Variants in RNF123 observed in about 807,000 individuals in gnomAD.
The protein encoded by RNF123 is ring finger protein 123, also known as E3 ubiquitin-protein ligase RNF123.
Under a neutral mutation model 168.5 loss-of-function variants are expected in RNF123, and 86 were observed. The ratio of observed to expected loss-of-function variants is 0.51; its 90% CI spans 0.43 to 0.61. The LOEUF (loss-of-function observed/expected upper bound fraction) is 0.61. RNF123 is among the 20% of genes least tolerant of loss of function. RNF123 has a pLI of 0.00. For missense variants in RNF123, 1,419 were observed against 1,729.7 expected (o/e 0.82, Z 3.19); for synonymous variants, 666 against 689.1 (o/e 0.97, Z 0.52).
chr3:49,700,964 T>C (rs1248196557), intron 15 of RNF123, among the ~76,000 whole-genome samples: 1 of 152,264 alleles, frequency 6.6e-6, no homozygotes, highest in Non-Finnish European at 1.5e-5. Flanking sequence ...CCACAGGGCC[T>C]GCCCTCTTCG....
chr3:49,705,285 T>C, intron 23 of RNF123, 103 bp downstream of exon 23: 3 of 1,389,168 alleles, frequency 2.2e-6, no homozygotes, highest in Non-Finnish European at 2.9e-6. Context: ...CTCCCAGCCC[T>C]GTGGCCTGGC....
At position 49,697,154 on chromosome 3, in the gene RNF123, A is replaced by G; in HGVS notation, c.179A>G (p.Asn60Ser). 6.2e-7 allele frequency: 1 copy of G among 1,614,092 alleles called. No homozygotes were observed. Among genetic ancestry groups the G allele is most frequent in the Middle Eastern group, 1.7e-4 (1 of 6,060 alleles). ...PPAATSRKPL[N>S]FQNLPEHLDQ... Reference sequence around the variant, plus strand: ...CTCACTCTCCCCAGGAAACCCCTGAACTTCCAGAACCTGCCAGAACATTTG... The same window carrying G: ...CTCACTCTCCCCAGGAAACCCCTGAGCTTCCAGAACCTGCCAGAACATTTG... Residue 60 changes from asparagine (N) to serine (S), a missense_variant, in exon 4 of 39, where the codon AAC becomes AGC. Asn to Ser is a conservative substitution (Grantham distance 46). Coordinates refer to ENST00000327697, the MANE Select transcript of RNF123 (RefSeq NM_022064.5).
At chr3:49,713,851 C>G in intron 29 of RNF123, 26 bp downstream of exon 29, 2 of 1,613,202 alleles carry the variant, frequency 1.2e-6, no homozygotes, top group Non-Finnish European at 1.7e-6. Flanking sequence ...GGGGCACACA[C>G]CCTGGCCACA....
At chr3:49,703,112 C>G (rs2108186615) in intron 20 of RNF123, among the ~76,000 whole-genome samples, 1 of 152,336 alleles carries the variant, frequency 6.6e-6, no homozygotes, top group South Asian at 2.1e-4. Flanking sequence ...GGAGCCTTAC[C>G]TGCCCTGGAT....
In RNF123 at chr3:49,700,095, A is replaced by T. The variant is rs2054348898; in HGVS notation, c.985-132A>T. On this transcript the variant is annotated intron_variant, in intron 12 of 38. Transcript: ENST00000327697. ...CCTCAGTCAGACCCCGGAAGGGGTCATCTATGTTTGGTGTTGCTCGAGTGG... is the reference window on the plus strand; with the variant it reads ...CCTCAGTCAGACCCCGGAAGGGGTCTTCTATGTTTGGTGTTGCTCGAGTGG... The T allele has an allele frequency of 6.1e-6, 8 of 1,318,320 alleles. No homozygotes were observed. In the East Asian group the frequency reaches 2.0e-4, roughly 33 times the overall value. The allele number at this position is 1,318,320 out of a possible 1,614,324, so 81.7% of individuals were successfully genotyped here. A position where few individuals can be genotyped will look rare whatever the true frequency, so the allele number is the denominator to read the frequency against.
At position 49,714,098 on chromosome 3, in the gene RNF123, C is replaced by T. The variant is rs1291178313; in HGVS notation, c.2934C>T (p.Gly978=). ...GACCCCCACCTCCACAGGGCTGTGG[C>T]TTCGGGTACCGCTATACACGGCTGC... is the stretch of plus-strand genomic sequence containing the variant. ...WILVRLWRGC[G]FGYRYTRLPH... is the part of the protein sequence containing the mutation. Residue 978 remains glycine (G), a synonymous_variant, in exon 31 of 39, where the codon GGC becomes GGT. Transcript: ENST00000327697. The T allele has an allele frequency of 1.9e-6, 3 of 1,614,086 alleles. No individual in the cohort carries two copies. Among genetic ancestry groups the T allele is most frequent in the Non-Finnish European group, 1.7e-6 (2 of 1,180,026 alleles).
chr3:49,718,296 G>A (rs2080294023), intron 35 of RNF123: 2 of 1,613,162 alleles, frequency 1.2e-6, no homozygotes, highest in African/African-American at 2.7e-5. Context: ...CCACGGCACA[G>A]CCCAGCAGTG....
intron 3 of RNF123, among the ~76,000 whole-genome samples, chr3:49,693,986 G>A (rs1052786263): frequency 9.9e-5 from 15 of 151,884 alleles, no homozygotes; most frequent in Admixed American, 5.9e-4. Flanking sequence ...TGCGTTCTTT[G>A]TATATTCTGG....
chr3:49,710,420 T>C (rs1165401972), intron 26 of RNF123, among the ~76,000 whole-genome samples: 1 of 151,942 alleles, frequency 6.6e-6, no homozygotes, highest in Admixed American at 6.6e-5. Context: ...GCTGGGACTA[T>C]AGGCATACGC....
intron 26 of RNF123, among the ~76,000 whole-genome samples, chr3:49,708,788 A>T (rs992020566): frequency 1.4e-4 from 21 of 152,290 alleles, no homozygotes; most frequent in African/African-American, 5.1e-4. Context: ...TCATATATCC[A>T]GTCCTTTGCT....
At chr3:49,694,116 A>G (rs1306512135) in intron 3 of RNF123, among the ~76,000 whole-genome samples, 1 of 152,170 alleles carries the variant, frequency 6.6e-6, no homozygotes, top group African/African-American at 2.4e-5. Flanking sequence ...ATGTCTGTTT[A>G]TCTTATAATG....
intron 1 of RNF123, among the ~76,000 whole-genome samples, chr3:49,690,373 C>A (rs2054120435): frequency 6.6e-6 from 1 of 152,196 alleles, no homozygotes; most frequent in Non-Finnish European, 1.5e-5. Context: ...ATTTAAGTAA[C>A]CTCATGTGGA....
At position 49,700,317 on chromosome 3, in the gene RNF123, C is replaced by T; in HGVS notation, c.1075C>T (p.His359Tyr). 6.2e-7 allele frequency: 1 copy of T among 1,614,254 alleles called. No homozygotes were observed. The highest frequency in any genetic ancestry group is 1.1e-5 in the South Asian group (1 of 91,088). ...ACCCACACAGGCACAGTCCGTGGTGCACCAGGTCCTGGACCTCTTGTGGCT... is the reference window on the plus strand; with the variant it reads ...ACCCACACAGGCACAGTCCGTGGTGTACCAGGTCCTGGACCTCTTGTGGCT... ...GTPTQAQSVV[H>Y]QVLDLLWLFM... Residue 359 changes from histidine (H) to tyrosine (Y), a missense_variant, in exon 13 of 39, where the codon CAC becomes TAC. His to Tyr is a moderately conservative substitution (Grantham distance 83). Coordinates refer to ENST00000327697, the MANE Select transcript of RNF123 (RefSeq NM_022064.5).
At chr3:49,697,971 TGAG>T in intron 6 of RNF123, 32 bp downstream of exon 6, 1 of 1,614,010 alleles carries the variant, frequency 6.2e-7, no homozygotes, top group Non-Finnish European at 8.5e-7. Context: ...GCCTAGGTAG[TGAG>T]GAGAAAGTTT....
chr3:49,716,380 C>G lies in RNF123; in HGVS notation c.3416-13C>G. On this transcript the variant is annotated splice_polypyrimidine_tract_variant and intron_variant, in intron 34 of 38. Transcript: ENST00000327697. ...ATGTGGGTGGCTCATCTCTTTCCTC[C>G]CCTTCCCCTCAGGCCTAGAGAGCGT... 1.2e-6 allele frequency: 2 copies of G among 1,612,418 alleles called. No homozygotes were observed. Among genetic ancestry groups the G allele is most frequent in the Non-Finnish European group, 1.7e-6 (2 of 1,178,888 alleles).
At chr3:49,709,196 A>G (rs559862271) in intron 26 of RNF123, among the ~76,000 whole-genome samples, 1 of 151,364 alleles carries the variant, frequency 6.6e-6, no homozygotes, top group African/African-American at 2.4e-5. Context: ...CAATGGCGCG[A>G]TCTCGGCTCA....
At position 49,720,523 on chromosome 3, in the gene RNF123, C is replaced by G. The variant is rs376474937; in HGVS notation, c.3513C>G (p.Ala1171=). 200 of 1,594,880 alleles carry G rather than the reference C, an allele frequency of 1.3e-4. No individual in the cohort carries two copies. The highest frequency in any genetic ancestry group is 1.6e-4 in the Non-Finnish European group (191 of 1,169,362). The change falls in exon 36 of 39, where the codon GCC becomes GCG. Residue 1171 remains alanine (A), a synonymous_variant. Transcript: ENST00000327697. The part of the protein sequence containing the change: ...VRGPASEREQ[A]TSVLLADPCF... ...CTCCCCTACCTAGGAGAGAGCAAGC[C>G]ACATCAGTGCTCCTGGCAGATCCCT...
rs141491956 is a variant in RNF123, at chr3:49,716,344, G to A, written c.3416-49G>A. On this transcript the variant is annotated intron_variant, in intron 34 of 38. Coordinates refer to ENST00000327697, the MANE Select transcript of RNF123 (RefSeq NM_022064.5). ...GGCAGTGGGCAGGCCTGGAGCCCTT[G>A]AAGCAGGAGCATGTGGGTGGCTCAT... 7,787 of 1,592,852 alleles carry A rather than the reference G, an allele frequency of 4.9e-3. 32 individuals are homozygous for A. The highest frequency in any genetic ancestry group is 6.2e-3 in the Non-Finnish European group (7,175 of 1,162,844).
rs759130401 is a variant in RNF123, at chr3:49,705,637, G to T, written c.2262G>T (p.Ala754=). ...ENSLLEVLDG[A]VMMYNLSVHQ... ...CGCTGCTGGAAGTCCTGGATGGGGC[G>T]GTCATGATGTACAACCTCAGCGTAC... The change falls in exon 24 of 39, where the codon GCG becomes GCT. Residue 754 remains alanine (A), a synonymous_variant. Transcript: ENST00000327697. 5.6e-6 allele frequency: 9 copies of T among 1,614,082 alleles called. No individual in the cohort carries two copies. The highest frequency in any genetic ancestry group is 7.6e-6 in the Non-Finnish European group (9 of 1,180,034).
Sources: allele counts gnomAD v4.1 joint callset (sites outside exome capture counted in the v4.1 genomes callset), GRCh38; gene constraint gnomAD v4.1.1; transcripts MANE v1.5; gene names NCBI Gene and HGNC (gene_info 2026-07-23, HGNC 2026-07-21).